DST: variants seen among roughly 807,000 people sequenced by gnomAD.
DST encodes bullous pemphigoid antigen.
A neutral mutation model predicts 875.2 loss-of-function variants in DST; 253 were observed. The observed-to-expected ratio is 0.29, with a 90% CI of 0.26 to 0.32. The LOEUF (loss-of-function observed/expected upper bound fraction) is 0.32. Ranked by LOEUF, DST falls within the 10% of genes least tolerant of loss-of-function variation. The pLI is 1.00. For missense variants in DST, 8,287 were observed against 9,111.6 expected, an observed-to-expected ratio of 0.91 and a Z score of 3.68; for synonymous variants, 3,124 against 3,197.1, an observed-to-expected ratio of 0.98 and a Z score of 0.77.
chr6:56,486,603 GAGAAAGAGGGAGATC>G (rs2095577362), intron 87 of DST, among the ~76,000 whole-genome samples: 1 of 152,042 alleles, frequency 6.6e-6, no homozygotes, highest in African/African-American at 2.4e-5. Flanking sequence ...GAAATGTAAT[GAGAAAGAGGGAGATC>G]AGAAAGGGGT....
chr6:56,616,728 C>T lies in DST; in HGVS notation c.4930-2244G>A, dbSNP rs757891711. The T allele has an allele frequency of 6.8e-6, 11 of 1,614,088 alleles. No individual in the cohort carries two copies. In the South Asian group the frequency reaches 9.9e-5, roughly 14 times the overall value. ...ATGACACCCCCACTGGCAATCTGGG[C>T]TTCCAAGATATGTTTACCTTTTTGT... On this transcript the variant is annotated intron_variant, in intron 36 of 103. Coordinates refer to ENST00000680361, the MANE Select transcript of DST (RefSeq NM_001374736.1).
At chr6:56,814,606 T>A (rs560003772) in intron 4 of DST, among the ~76,000 whole-genome samples, 27 of 152,306 alleles carry the variant, frequency 1.8e-4, no homozygotes, top group Middle Eastern at 3.4e-3. Flanking sequence ...ACAGCATTTG[T>A]CACAGCAAGT....
At chr6:56,857,401 A>C (rs1768479191) in intron 3 of DST, among the ~76,000 whole-genome samples, 1 of 152,186 alleles carries the variant, frequency 6.6e-6, no homozygotes, top group Non-Finnish European at 1.5e-5. Flanking sequence ...GGTTGCAAGG[A>C]CAAAGTGATA....
chr6:56,815,807 T>G (rs1166044195), intron 4 of DST, among the ~76,000 whole-genome samples: 1 of 17,604 alleles, frequency 5.7e-5, no homozygotes, highest in Non-Finnish European at 1.0e-4. Context: ...CAATATCAAT[T>G]ATATTAAATG....
chr6:56,672,080 A>T (rs1331030322), intron 9 of DST, among the ~76,000 whole-genome samples: 1 of 152,142 alleles, frequency 6.6e-6, no homozygotes, highest in Non-Finnish European at 1.5e-5. Context: ...TTAAAAAAAA[A>T]CTCCAAAGAA....
rs543898380 is a variant in DST at position 56,584,766 on chromosome 6, C to T, written c.12904-5829G>A. On this transcript the variant is annotated intron_variant, in intron 49 of 103. Coordinates refer to ENST00000680361, the MANE Select transcript of DST (RefSeq NM_001374736.1). ...AGCTCTTATTATTTTGAGATACGTCCCATCAATACCTAATTTATTGACAGT... is the reference window on the plus strand; with the variant it reads ...AGCTCTTATTATTTTGAGATACGTCTCATCAATACCTAATTTATTGACAGT... Among the ~76,000 whole-genome samples the T allele has an allele frequency of 8.5e-5, 13 of 152,146 alleles. No individual in the cohort carries two copies. In the East Asian group the frequency reaches 1.9e-3, roughly 23 times the overall value.
At chr6:56,568,019 A>G (rs530768142) in intron 55 of DST, among the ~76,000 whole-genome samples, 1 of 152,192 alleles carries the variant, frequency 6.6e-6, no homozygotes, top group East Asian at 1.9e-4. Flanking sequence ...TAAAATACGC[A>G]GGAATAAAAT....
chr6:56,459,333 C>A, intron 103 of DST, 66 bp from the exon 104 acceptor site: 1 of 1,485,928 alleles, frequency 6.7e-7, no homozygotes, highest in Middle Eastern at 1.9e-4. Flanking sequence ...ATTTTTGAAA[C>A]CCGATGCCAC....
chr6:56,512,991 T>C (rs2096509577), intron 72 of DST, among the ~76,000 whole-genome samples: 1 of 152,208 alleles, frequency 6.6e-6, no homozygotes, highest in Non-Finnish European at 1.5e-5. Context: ...GAGGTGGTGA[T>C]GGTATATCAG....
chr6:56,592,460 C>G, intron 48 of DST, 102 bp from the exon 49 acceptor site: 1 of 947,900 alleles, frequency 1.1e-6, no homozygotes, highest in Non-Finnish European at 1.5e-6. Flanking sequence ...GGAAAAAAAA[C>G]CAGACTTCCA....
At chr6:56,900,001 A>G (rs1010253641) in intron 3 of DST, among the ~76,000 whole-genome samples, 3 of 152,108 alleles carry the variant, frequency 2.0e-5, no homozygotes, top group African/African-American at 7.3e-5. Context: ...GGAGGAGTTC[A>G]GCCACTGCTA....
chr6:56,866,916 T>C (rs560247997), intron 3 of DST, among the ~76,000 whole-genome samples: 6 of 152,344 alleles, frequency 3.9e-5, no homozygotes, highest in South Asian at 2.1e-4. Context: ...TCCAATTTCC[T>C]GCAATAAATA....
intron 90 of DST, among the ~76,000 whole-genome samples, chr6:56,480,058 A>G (rs144162210): frequency 4.5e-4 from 68 of 152,322 alleles, no homozygotes; most frequent in African/African-American, 1.3e-3. Context: ...CCACAAGATT[A>G]AAAGACTGTG....
At chr6:56,726,159 T>C (rs2099456215) in intron 5 of DST, among the ~76,000 whole-genome samples, 1 of 152,146 alleles carries the variant, frequency 6.6e-6, no homozygotes, top group Non-Finnish European at 1.5e-5. Context: ...TATATTATAT[T>C]AGGTTCAAAT....
chr6:56,899,562 C>G (rs529731011), intron 3 of DST, among the ~76,000 whole-genome samples: 12 of 152,260 alleles, frequency 7.9e-5, no homozygotes, highest in Admixed American at 7.2e-4. Context: ...TTGATGGCTC[C>G]CCTATGTTGG....
intron 3 of DST, among the ~76,000 whole-genome samples, chr6:56,891,223 G>A (rs918181516): frequency 2.0e-5 from 3 of 152,160 alleles, no homozygotes; most frequent in Admixed American, 6.5e-5. Flanking sequence ...CTCTGACAAC[G>A]TCCAGTCTCT....
chr6:56,506,219 C>T (rs927153837), intron 77 of DST, among the ~76,000 whole-genome samples: 1 of 152,048 alleles, frequency 6.6e-6, no homozygotes, highest in South Asian at 2.1e-4. Context: ...AATGTGTATA[C>T]AGAAATGTGT....
intron 33 of DST, 87 bp from the exon 34 acceptor site, chr6:56,627,374 C>T (rs1478277848): frequency 1.5e-5 from 13 of 886,194 alleles, no homozygotes; most frequent in Admixed American, 5.1e-5. Flanking sequence ...GACATATCTA[C>T]ATCACTTCAC....
intron 4 of DST, among the ~76,000 whole-genome samples, chr6:56,778,880 A>G (rs1368327218): frequency 2.0e-5 from 3 of 151,912 alleles, no homozygotes; most frequent in Admixed American, 6.6e-5. Flanking sequence ...ATGATTTATA[A>G]TCCTTTGGGT....
Sources: allele counts gnomAD v4.1 joint callset (sites outside exome capture counted in the v4.1 genomes callset), GRCh38; gene constraint gnomAD v4.1.1; transcripts MANE v1.5; gene names NCBI Gene and HGNC (gene_info 2026-07-23, HGNC 2026-07-21).